LRBA: variants seen among roughly 807,000 people sequenced by gnomAD.
The protein encoded by LRBA is LPS responsive beige-like anchor protein, also known as lipopolysaccharide-responsive and beige-like anchor protein.
A neutral mutation model predicts 330.0 loss-of-function variants in LRBA; 176 were observed. That is an observed-to-expected ratio of 0.53 (90% CI 0.47 to 0.60). The LOEUF is 0.60. Ranked by LOEUF, LRBA falls within the 20% of genes least tolerant of loss-of-function variation. The probability of loss-of-function intolerance (pLI) is 0.00; values close to 1 mark genes in which losing one functional copy is unlikely to be tolerated. For missense variants in LRBA, 3,259 were observed against 3,444.8 expected, an observed-to-expected ratio of 0.95 and a Z score of 1.35; for synonymous variants, 1,230 against 1,193.0, an observed-to-expected ratio of 1.03 and a Z score of -0.64.
intron 40 of LRBA, among the ~76,000 whole-genome samples, chr4:150,570,962 C>T (rs1769766430): frequency 6.6e-6 from 1 of 152,122 alleles, no homozygotes; most frequent in African/African-American, 2.4e-5. Flanking sequence ...CTTTTGCTTA[C>T]TGATGCCTAT....
chr4:150,731,218 T>G (rs1301279657), intron 36 of LRBA, among the ~76,000 whole-genome samples: 2 of 152,026 alleles, frequency 1.3e-5, no homozygotes, highest in Non-Finnish European at 2.9e-5. Flanking sequence ...AAAACCACCA[T>G]GAGAACAGTC....
intron 44 of LRBA, among the ~76,000 whole-genome samples, chr4:150,463,757 C>T (rs1317165105): frequency 1.3e-5 from 2 of 151,798 alleles, no homozygotes; most frequent in Non-Finnish European, 2.9e-5. Context: ...GTTTAGCTGG[C>T]CACTAATCTA....
Position 150,905,844 on chromosome 4 carries a change from T to C in LRBA, c.1749A>G (p.Pro583=). ...LLNPAIWIHT[P]AKVQLMLYTY... ...ATATATAGATATATATTACCTTGGC[T>C]GGGGTATGAATCCATATGGCAGGAT... The change falls in exon 13 of 57, where the codon CCA becomes CCG. Residue 583 remains proline (P), a synonymous_variant. Transcript: ENST00000651943. The C allele has an allele frequency of 1.2e-6, 2 of 1,612,240 alleles. No individual in the cohort carries two copies. The highest frequency in any genetic ancestry group is 8.5e-7 in the Non-Finnish European group (1 of 1,178,842).
intron 35 of LRBA, among the ~76,000 whole-genome samples, chr4:150,740,149 T>C (rs950278414): frequency 2.6e-5 from 4 of 152,090 alleles, no homozygotes; most frequent in Admixed American, 1.3e-4. Context: ...ACGTTTGCAG[T>C]AAAACATAGT....
At chr4:150,674,576 T>A (rs891842711) in intron 37 of LRBA, among the ~76,000 whole-genome samples, 11 of 152,018 alleles carry the variant, frequency 7.2e-5, no homozygotes, top group African/African-American at 2.7e-4. Context: ...AAATAAAAAT[T>A]AAAAAACATC....
At chr4:150,768,046 A>G (rs761674675) in intron 34 of LRBA, among the ~76,000 whole-genome samples, 5 of 146,436 alleles carry the variant, frequency 3.4e-5, no homozygotes, top group Non-Finnish European at 6.0e-5. Context: ...CCTGGGCAAC[A>G]GAATGAGACT....
At chr4:150,664,356 C>T (rs895554312) in intron 37 of LRBA, among the ~76,000 whole-genome samples, 2 of 152,082 alleles carry the variant, frequency 1.3e-5, no homozygotes, top group African/African-American at 4.8e-5. Flanking sequence ...CAATGAATAC[C>T]TAATTATGGC....
chr4:150,292,956 C>T (rs1252627052), intron 53 of LRBA, among the ~76,000 whole-genome samples: 1 of 151,894 alleles, frequency 6.6e-6, no homozygotes, highest in East Asian at 1.9e-4. Context: ...ATCATCTGAA[C>T]TTTTATAGAG....
chr4:150,392,541 C>T (rs1744134263), intron 47 of LRBA, among the ~76,000 whole-genome samples: 2 of 152,104 alleles, frequency 1.3e-5, no homozygotes, highest in South Asian at 4.1e-4. Flanking sequence ...GTTGGTAGGG[C>T]TTCAACATAT....
chr4:151,011,057 G>A lies in LRBA; in HGVS notation c.216+3370C>T, dbSNP rs556748744. On this transcript the variant is annotated intron_variant, in intron 2 of 56. Transcript: ENST00000651943. ...AAAAAATTAGCTGGGCGTGGTGGCG[G>A]GCACCTGTAGTCCCAGCTACTTGGG... Among the ~76,000 whole-genome samples, 76 of 150,860 alleles carry A rather than the reference G, an allele frequency of 5.0e-4. No individual in the cohort carries two copies. In the East Asian group the frequency reaches 0.012, roughly 23 times the overall value.
chr4:150,566,172 T>G (rs1031268233), intron 40 of LRBA, among the ~76,000 whole-genome samples: 7 of 152,098 alleles, frequency 4.6e-5, no homozygotes, highest in Admixed American at 1.3e-4. Context: ...AAGGTTACTA[T>G]AGCTTGCTAC....
intron 17 of LRBA, among the ~76,000 whole-genome samples, chr4:150,887,489 A>T (rs1262865199): frequency 6.6e-6 from 1 of 152,144 alleles, no homozygotes; most frequent in Non-Finnish European, 1.5e-5. Context: ...GCAGTGGCTC[A>T]CGGGCCGGGT....
intron 17 of LRBA, among the ~76,000 whole-genome samples, chr4:150,888,396 C>T (rs1352645819): frequency 6.6e-6 from 1 of 152,014 alleles, no homozygotes; most frequent in Non-Finnish European, 1.5e-5. Context: ...ATTCTTTAAG[C>T]TATATATAAC....
At chr4:150,761,933 C>T (rs1735150733) in intron 34 of LRBA, 86 bp from the exon 35 acceptor site, 1 of 723,746 alleles carries the variant, frequency 1.4e-6, no homozygotes, top group Non-Finnish European at 2.4e-6. Flanking sequence ...AAATATCACC[C>T]ATATCAATTT....
At chr4:150,377,736 C>T in intron 47 of LRBA, among the ~76,000 whole-genome samples, 1 of 152,046 alleles carries the variant, frequency 6.6e-6, no homozygotes, top group Non-Finnish European at 1.5e-5. Flanking sequence ...GTCTATCATA[C>T]TTGTTTTAAA....
At chr4:150,782,924 A>C (rs1738488275) in intron 34 of LRBA, among the ~76,000 whole-genome samples, 1 of 23,292 alleles carries the variant, frequency 4.3e-5, no homozygotes, top group South Asian at 1.9e-3. Context: ...AAGAACTGGA[A>C]AAAAAAATTA....
chr4:150,874,294 T>C (rs953377367), intron 17 of LRBA, among the ~76,000 whole-genome samples: 3 of 152,042 alleles, frequency 2.0e-5, no homozygotes, highest in African/African-American at 7.3e-5. Flanking sequence ...TGGAGCTAAC[T>C]GGGAAAGAGG....
chr4:150,470,248 G>A (rs943565929), intron 43 of LRBA, among the ~76,000 whole-genome samples: 20 of 152,110 alleles, frequency 1.3e-4, no homozygotes, highest in African/African-American at 4.8e-4. Flanking sequence ...CATTCATTCT[G>A]AAGTCTCCCT....
Position 150,926,975 on chromosome 4 carries a change from G to A in LRBA, c.549+1541C>T, listed in dbSNP as rs144354894. On this transcript the variant is annotated intron_variant, in intron 4 of 56. Coordinates refer to ENST00000651943, the MANE Select transcript of LRBA (RefSeq NM_001364905.1). ...AATCCCAGCAACTCAGGAGGCTGAG[G>A]TAGGAGAATTGCTTGAACCCAGGAG... Among the ~76,000 whole-genome samples, 504 of 151,888 alleles carry A rather than the reference G, an allele frequency of 3.3e-3. 11 individuals carry two copies. The highest frequency in any genetic ancestry group is 0.028 in the East Asian group (144 of 5,144).
Sources: allele counts gnomAD v4.1 joint callset (sites outside exome capture counted in the v4.1 genomes callset), GRCh38; gene constraint gnomAD v4.1.1; transcripts MANE v1.5; gene names NCBI Gene and HGNC (gene_info 2026-07-23, HGNC 2026-07-21).